CAMKMT: variants seen among roughly 807,000 people sequenced by gnomAD.
CAMKMT encodes CaM KMT.
In CAMKMT, 53 loss-of-function variants were observed where a neutral mutation model predicts 48.0. That is an observed-to-expected ratio of 1.10 (90% confidence interval 0.89 to 1.39). CAMKMT has a LOEUF of 1.39. Ranked by LOEUF, CAMKMT falls within the 40% of genes most tolerant of loss-of-function variation. CAMKMT has a pLI of 0.00. For synonymous variants in CAMKMT, 165 were observed against 152.3 expected (o/e 1.08, Z -0.61); for missense variants, 428 against 402.7 (o/e 1.06, Z -0.54).
intron 3 of CAMKMT, among the ~76,000 whole-genome samples, chr2:44,696,337 A>T (rs1391818225): frequency 6.6e-6 from 1 of 152,230 alleles, no homozygotes; most frequent in Non-Finnish European, 1.5e-5. Context: ...GGACTTTAAT[A>T]TCTGCAAATT....
At chr2:44,547,074 G>A (rs1279364570) in intron 3 of CAMKMT, among the ~76,000 whole-genome samples, 2 of 152,140 alleles carry the variant, frequency 1.3e-5, no homozygotes, top group African/African-American at 4.8e-5. Flanking sequence ...TGAGGGTGGG[G>A]AAGAACTTGA....
intron 1 of CAMKMT, among the ~76,000 whole-genome samples, chr2:44,367,436 A>C (rs1404361619): frequency 6.6e-6 from 1 of 152,252 alleles, no homozygotes; most frequent in Non-Finnish European, 1.5e-5. Context: ...TTTAAAAATT[A>C]TATAAATTGC....
chr2:44,428,838 A>G (rs1013520484), intron 3 of CAMKMT, among the ~76,000 whole-genome samples: 4 of 152,164 alleles, frequency 2.6e-5, no homozygotes, highest in African/African-American at 9.7e-5. Context: ...AGTTTGTAAA[A>G]CTGTTACAGA....
chr2:44,634,648 A>G (rs1237893111), intron 3 of CAMKMT, among the ~76,000 whole-genome samples: 8 of 152,114 alleles, frequency 5.3e-5, no homozygotes, highest in Non-Finnish European at 1.2e-4. Context: ...GGAAGCTCAC[A>G]GTCTGTTAGA....
chr2:44,578,134 G>A (rs532005515), intron 3 of CAMKMT, among the ~76,000 whole-genome samples: 2 of 152,070 alleles, frequency 1.3e-5, no homozygotes, highest in African/African-American at 2.4e-5. Context: ...GAGCTCAGGC[G>A]GGTTGGAGGT....
At chr2:44,394,771 A>C in intron 3 of CAMKMT, 1 of 442,856 alleles carries the variant, frequency 2.3e-6, no homozygotes, top group South Asian at 1.6e-5. Flanking sequence ...TTTGCTTCCT[A>C]GTGGTCTGAT....
chr2:44,533,521 G>C (rs183314907), intron 3 of CAMKMT, among the ~76,000 whole-genome samples: 93 of 152,320 alleles, frequency 6.1e-4, no homozygotes, highest in African/African-American at 2.0e-3. Context: ...TTACAGGCAT[G>C]AGCCACTCCA....
At position 44,394,676 on chromosome 2, in the gene CAMKMT, C is replaced by T. The variant is rs561352030; in HGVS notation, c.376+4371C>T. ...CTGCTGACCTCAGGTGATTTACCCG[C>T]CACAGCCTCCCAAAGTGCTGGGATT... On this transcript the variant is annotated intron_variant, in intron 3 of 10. Transcript: ENST00000378494. 2.6e-5 allele frequency among the ~76,000 whole-genome samples: 4 copies of T among 152,266 alleles called. No individual in the cohort carries two copies. In the East Asian group the frequency reaches 7.7e-4, roughly 29 times the overall value.
chr2:44,374,595 T>C (rs1050885332), intron 2 of CAMKMT, among the ~76,000 whole-genome samples: 3 of 152,224 alleles, frequency 2.0e-5, no homozygotes, highest in Admixed American at 6.5e-5. Context: ...TAGTCTCTTC[T>C]TGAGATCTTT....
intron 3 of CAMKMT, among the ~76,000 whole-genome samples, chr2:44,422,709 T>A (rs1204751308): frequency 2.0e-5 from 3 of 151,872 alleles, no homozygotes; most frequent in South Asian, 4.1e-4. Flanking sequence ...TTTTTTTTTT[T>A]AATTTTCAAA....
chr2:44,405,925 TCTC>T (rs1371101004), intron 3 of CAMKMT, among the ~76,000 whole-genome samples: 2 of 152,194 alleles, frequency 1.3e-5, no homozygotes, highest in Non-Finnish European at 2.9e-5. Flanking sequence ...AATTCAGTAT[TCTC>T]CTAAAATCTG....
At chr2:44,457,515 C>T (rs1001289717) in intron 3 of CAMKMT, among the ~76,000 whole-genome samples, 1 of 151,860 alleles carries the variant, frequency 6.6e-6, no homozygotes, top group African/African-American at 2.4e-5. Flanking sequence ...TCTCCCACCT[C>T]AGCCTCCCGA....
intron 7 of CAMKMT, among the ~76,000 whole-genome samples, chr2:44,740,079 A>G (rs1679586034): frequency 6.6e-6 from 1 of 150,900 alleles, no homozygotes. Context: ...TTAGGAGCAT[A>G]AGTGTGGTGG....
intron 3 of CAMKMT, among the ~76,000 whole-genome samples, chr2:44,475,558 C>A (rs1022842083): frequency 6.6e-6 from 1 of 151,918 alleles, no homozygotes; most frequent in African/African-American, 2.4e-5. Context: ...CCTTGTGATC[C>A]GCCCGTCTTG....
intron 3 of CAMKMT, among the ~76,000 whole-genome samples, chr2:44,644,591 G>A (rs1673632663): frequency 6.6e-6 from 1 of 152,314 alleles, no homozygotes; most frequent in East Asian, 1.9e-4. Context: ...CAACAAGGCT[G>A]ATGAATTTGC....
At chr2:44,404,204 TTAAG>T (rs1377800117) in intron 3 of CAMKMT, among the ~76,000 whole-genome samples, 1 of 152,136 alleles carries the variant, frequency 6.6e-6, no homozygotes, top group African/African-American at 2.4e-5. Context: ...AAACCACACT[TTAAG>T]TAAATAAATT....
intron 3 of CAMKMT, among the ~76,000 whole-genome samples, chr2:44,559,848 A>T (rs1178602680): frequency 1.3e-5 from 2 of 152,200 alleles, no homozygotes; most frequent in Non-Finnish European, 2.9e-5. Context: ...CAATTTGTAC[A>T]TGGGACCTAA....
intron 3 of CAMKMT, among the ~76,000 whole-genome samples, chr2:44,538,340 C>T (rs1666895136): frequency 1.3e-5 from 2 of 150,346 alleles, no homozygotes; most frequent in South Asian, 4.2e-4. Flanking sequence ...TGCACTCCAG[C>T]CTGGGCGACA....
At chr2:44,704,811 G>C (rs1019174802) in intron 4 of CAMKMT, among the ~76,000 whole-genome samples, 20 of 151,698 alleles carry the variant, frequency 1.3e-4, no homozygotes, top group African/African-American at 4.6e-4. Context: ...TGGTTTTAAA[G>C]GTAGTTTTAT....
Sources: allele counts gnomAD v4.1 joint callset (sites outside exome capture counted in the v4.1 genomes callset), GRCh38; gene constraint gnomAD v4.1.1; transcripts MANE v1.5; gene names NCBI Gene and HGNC (gene_info 2026-07-23, HGNC 2026-07-21).